Variants in IQANK1 observed in about 807,000 individuals in gnomAD.
The protein encoded by IQANK1 is IQ motif and ankyrin repeat domain-containing protein 1.
A neutral mutation model predicts 22.6 loss-of-function variants in IQANK1; 30 were observed. The ratio of observed to expected loss-of-function variants is 1.33; its 90% CI spans 0.99 to 1.80. IQANK1 has a LOEUF of 1.80. Ranked by LOEUF, IQANK1 falls within the 40% of genes most tolerant of loss-of-function variation. The pLI is 0.00. For synonymous variants in IQANK1, 122 were observed against 99.6 expected, an observed-to-expected ratio of 1.23 and a Z score of -1.34; for missense variants, 275 against 235.2, an observed-to-expected ratio of 1.17 and a Z score of -1.11.
At chr8:143,748,460 A>G (rs1176952319) in intron 3 of IQANK1, among the ~76,000 whole-genome samples, 1 of 142,222 alleles carries the variant, frequency 7.0e-6, no homozygotes, top group Non-Finnish European at 1.5e-5. Context: ...TCATATATAA[A>G]TATACATGAT....
intron 3 of IQANK1, among the ~76,000 whole-genome samples, chr8:143,769,670 C>G (rs1367512607): frequency 6.6e-6 from 1 of 152,212 alleles, no homozygotes; most frequent in African/African-American, 2.4e-5. Context: ...TGGGCCAGGC[C>G]AGGCCCACCT....
intron 3 of IQANK1, among the ~76,000 whole-genome samples, chr8:143,752,998 T>TG (rs1819223242): frequency 1.1e-5 from 1 of 90,788 alleles, no homozygotes; most frequent in Non-Finnish European, 2.3e-5. Flanking sequence ...CTCTGTTCGT[T>TG]TTTTTTTTTT....
intron 7 of IQANK1, among the ~76,000 whole-genome samples, chr8:143,787,664 C>T (rs1490075045): frequency 6.6e-6 from 1 of 152,166 alleles, no homozygotes. Flanking sequence ...ATCCTGCCCC[C>T]GCTCTTTCCC....
At chr8:143,773,818 G>A (rs1230968283) in intron 7 of IQANK1, among the ~76,000 whole-genome samples, 1 of 152,174 alleles carries the variant, frequency 6.6e-6, no homozygotes, top group Non-Finnish European at 1.5e-5. Context: ...GAGGGGCTGA[G>A]GATACGGTGA....
intron 7 of IQANK1, among the ~76,000 whole-genome samples, chr8:143,781,202 T>C (rs1819792384): frequency 6.6e-6 from 1 of 152,204 alleles, no homozygotes; most frequent in African/African-American, 2.4e-5. Flanking sequence ...TATAAGATCC[T>C]TATAAATGCT....
chr8:143,751,113 G>A (rs1181738215), intron 3 of IQANK1, among the ~76,000 whole-genome samples: 4 of 151,970 alleles, frequency 2.6e-5, no homozygotes, highest in African/African-American at 9.7e-5. Context: ...TAACTTCAAC[G>A]ACATAAAAAA....
At chr8:143,749,139 TATC>T (rs1337557217) in intron 3 of IQANK1, among the ~76,000 whole-genome samples, 3 of 122,702 alleles carry the variant, frequency 2.4e-5, no homozygotes, top group Admixed American at 9.4e-5. Flanking sequence ...ATATGATATA[TATC>T]ATACATGATA....
At chr8:143,740,794 CAGGT>C (rs748853827) in intron 3 of IQANK1, among the ~76,000 whole-genome samples, 43 of 152,254 alleles carry the variant, frequency 2.8e-4, no homozygotes, top group Non-Finnish European at 5.6e-4. Flanking sequence ...CACCCCGCCC[CAGGT>C]GTCAGGATAA....
At chr8:143,736,250 G>A (rs1191915550) in intron 2 of IQANK1, among the ~76,000 whole-genome samples, 1 of 151,154 alleles carries the variant, frequency 6.6e-6, no homozygotes, top group African/African-American at 2.4e-5. Flanking sequence ...AGTGAGTCTT[G>A]TGCTTCAGCC....
At chr8:143,751,839 A>T (rs946887625) in intron 3 of IQANK1, among the ~76,000 whole-genome samples, 1 of 151,052 alleles carries the variant, frequency 6.6e-6, no homozygotes, top group Non-Finnish European at 1.5e-5. Flanking sequence ...GTGGTAACAA[A>T]CTCCTTCAGC....
chr8:143,778,843 C>A (rs113343259), intron 7 of IQANK1, among the ~76,000 whole-genome samples: 6,139 of 152,294 alleles, frequency 0.04, 391 homozygotes, highest in African/African-American at 0.13. Context: ...CTCACTGCAA[C>A]CTCTGCCTCC....
Position 143,774,526 on chromosome 8 carries a change from G to A in IQANK1, c.789+2044G>A, listed in dbSNP as rs1554630138. 1.3e-5 allele frequency among the ~76,000 whole-genome samples: 2 copies of A among 152,166 alleles called. No individual in the cohort carries two copies. The highest frequency in any genetic ancestry group is 4.8e-5 in the African/African-American group (2 of 41,444). ...GAGCCGAACGAGGGCAGGGATGTGG[G>A]GAAGCTGGCCCTGCCACACCTTGCT... On this transcript the variant is annotated intron_variant, in intron 7 of 13. Transcript: ENST00000527139. The surrounding 1 kb of genome is among the most constrained non-coding windows in gnomAD (Gnocchi z 4.2).
intron 2 of IQANK1, among the ~76,000 whole-genome samples, chr8:143,737,793 A>T (rs904681008): frequency 2.0e-5 from 3 of 152,112 alleles, no homozygotes; most frequent in Non-Finnish European, 4.4e-5. Context: ...TGCTGCAGCC[A>T]TAGCTGCTCC....
At position 143,752,996 on chromosome 8, in the gene IQANK1, G is replaced by GTTTTTTTTTTT. The variant is rs34993930; in HGVS notation, c.175+13063_175+13073dup. Among the ~76,000 whole-genome samples the GTTTTTTTTTTT allele has an allele frequency of 8.6e-5, 6 of 69,904 alleles. 1 individual carries two copies. The highest frequency in any genetic ancestry group is 2.5e-4 in the African/African-American group (4 of 16,066). The allele number at this position is 69,904 out of a possible 152,430, so 45.9% of individuals were successfully genotyped here. A position where few individuals can be genotyped will look rare whatever the true frequency, so the allele number is the denominator to read the frequency against. On this transcript the variant is annotated intron_variant, in intron 3 of 13. Coordinates refer to ENST00000527139, the MANE Select transcript of IQANK1 (RefSeq NM_001381874.1). ...CCCACAGGTCCCTTACTCTCTGTTC[G>GTTTTTTTTTTT]TTTTTTTTTTTTTTTTTTTTTTTTT...
At chr8:143,773,300 C>CAAA (rs1185632785) in intron 7 of IQANK1, among the ~76,000 whole-genome samples, 1 of 79,690 alleles carries the variant, frequency 1.3e-5, no homozygotes, top group African/African-American at 4.4e-5. Flanking sequence ...GAGTGAGACT[C>CAAA]AAAAAAAAAA....
chr8:143,775,787 TACACACAC>T (rs35665050), intron 7 of IQANK1, among the ~76,000 whole-genome samples: 7 of 129,506 alleles, frequency 5.4e-5, no homozygotes, highest in Admixed American at 1.5e-4. Flanking sequence ...ATAGCTGTAT[TACACACAC>T]ACACACACAC....
intron 3 of IQANK1, among the ~76,000 whole-genome samples, chr8:143,740,862 C>G (rs1818891498): frequency 6.6e-6 from 1 of 152,268 alleles, no homozygotes; most frequent in South Asian, 2.1e-4. Flanking sequence ...TGATAAGAGC[C>G]TCAGGGGTGC....
At chr8:143,767,096 C>T (rs1163257458) in intron 3 of IQANK1, among the ~76,000 whole-genome samples, 3 of 152,246 alleles carry the variant, frequency 2.0e-5, no homozygotes, top group East Asian at 1.9e-4. Flanking sequence ...GTCCTCTCAC[C>T]GAATTCTTCT....
intron 7 of IQANK1, among the ~76,000 whole-genome samples, chr8:143,783,076 C>T (rs1819825405): frequency 6.6e-6 from 1 of 152,190 alleles, no homozygotes. Context: ...TACCATTTTA[C>T]TGCTGATGAA....
Sources: gnomAD v4.1 joint callset for allele counts (sites outside exome capture counted in the v4.1 genomes callset) on GRCh38, gnomAD v4.1.1 for gene constraint, Gnocchi (gnomAD v3.1) non-coding constraint, MANE v1.5 for transcripts, NCBI Gene and HGNC (gene_info 2026-07-23, HGNC 2026-07-21) for gene names.